Variants in STK39 observed in about 807,000 individuals in gnomAD.
STK39 encodes serine/threonine kinase 39.
STK39 carries 20 observed loss-of-function variants against 77.8 expected under a neutral mutation model. That is an observed-to-expected ratio of 0.26 (90% CI 0.18 to 0.37). The LOEUF (loss-of-function observed/expected upper bound fraction) is 0.37. Ranked by LOEUF, STK39 falls within the 10% of genes least tolerant of loss-of-function variation. The pLI, the probability that STK39 is intolerant of heterozygous loss-of-function variation, is 1.00. For synonymous variants in STK39, 246 were observed against 234.1 expected (o/e 1.05, Z -0.47); for missense variants, 479 against 656.5 (o/e 0.73, Z 2.95).
rs1286074971 is a variant in STK39, at chr2:168,163,877, G to C, written c.434C>G (p.Ser145Ter). The C allele has an allele frequency of 6.2e-7, 1 of 1,613,048 alleles. No homozygotes were observed. The highest frequency in any genetic ancestry group is 8.5e-7 in the Non-Finnish European group (1 of 1,179,634). Residue 145 changes from serine to a stop codon, truncating the protein, a stop_gained, in exon 4 of 18, where the codon TCA (serine) becomes TGA (stop). Coordinates refer to ENST00000355999, the MANE Select transcript of STK39 (RefSeq NM_013233.3). LOFTEE classifies it high-confidence loss of function. ...WLVMKLLSGG[S>*]MLDIIKYIVN... ...AATGTATTTTATGATATCCAACATT[G>C]AACCTAAGTAGACAAACAGAAGAAT...
rs532814497 is a variant in STK39, at chr2:168,078,446, G to A, written c.1090-3215C>T. On this transcript the variant is annotated intron_variant, in intron 10 of 17. Transcript: ENST00000355999. ...CAATGTGGACAACAGTCCCTAGAGC[G>A]GTCTGACCTGTCACTCCAGTGCTGC... Among the ~76,000 whole-genome samples the A allele has an allele frequency of 5.3e-5, 8 of 152,172 alleles. No homozygotes were observed. In the South Asian group the frequency reaches 1.0e-3, roughly 20 times the overall value.
intron 1 of STK39, among the ~76,000 whole-genome samples, chr2:168,189,311 A>C (rs1432303174): frequency 6.6e-6 from 1 of 152,098 alleles, no homozygotes; most frequent in Non-Finnish European, 1.5e-5. Context: ...AAAAATAAAA[A>C]GTAGTCCTCG....
intron 10 of STK39, among the ~76,000 whole-genome samples, chr2:168,075,604 G>A (rs957907724): frequency 7.9e-5 from 12 of 151,616 alleles, no homozygotes; most frequent in East Asian, 5.8e-4. Context: ...CTAAGGAAGC[G>A]CATGCAAGCA....
chr2:168,017,377 ATTTTTTTTTT>A (rs386391743), intron 14 of STK39, among the ~76,000 whole-genome samples: 1 of 93,592 alleles, frequency 1.1e-5, no homozygotes, highest in Non-Finnish European at 2.0e-5. Context: ...GGAAACCTTA[ATTTTTTTTTT>A]TTTTTTTTTT....
intron 1 of STK39, among the ~76,000 whole-genome samples, chr2:168,184,152 G>A (rs1051590511): frequency 3.3e-5 from 5 of 152,138 alleles, no homozygotes; most frequent in Middle Eastern, 3.2e-3. Context: ...CAAAACAAGC[G>A]TATGTAATAC....
chr2:168,135,644 A>G (rs1331028536), intron 8 of STK39, among the ~76,000 whole-genome samples: 1 of 152,234 alleles, frequency 6.6e-6, no homozygotes, highest in African/African-American at 2.4e-5. Context: ...TTAGTCATGA[A>G]TTCATATGTT....
At chr2:168,005,237 A>C (rs780170315) in intron 16 of STK39, among the ~76,000 whole-genome samples, 1 of 151,894 alleles carries the variant, frequency 6.6e-6, no homozygotes, top group Non-Finnish European at 1.5e-5. Context: ...AACTCCTGAC[A>C]TCAAGTGATC....
chr2:167,969,156 A>G (rs1234926351), intron 16 of STK39, among the ~76,000 whole-genome samples: 1 of 152,222 alleles, frequency 6.6e-6, no homozygotes, highest in Non-Finnish European at 1.5e-5. Context: ...TCACACACAT[A>G]AAGTGCTTAG....
chr2:168,009,085 AT>A (rs1684204356), intron 16 of STK39, among the ~76,000 whole-genome samples: 2 of 152,194 alleles, frequency 1.3e-5, no homozygotes, highest in Admixed American at 6.5e-5. Flanking sequence ...ACTGAGGTGG[AT>A]TTAAGAGACA....
intron 10 of STK39, among the ~76,000 whole-genome samples, chr2:168,108,703 A>T (rs978418099): frequency 3.3e-5 from 5 of 152,094 alleles, no homozygotes; most frequent in African/African-American, 1.2e-4. Flanking sequence ...TCTGTACTAA[A>T]CTCACTAACC....
At chr2:168,085,672 C>T (rs925360450) in intron 10 of STK39, among the ~76,000 whole-genome samples, 1 of 152,134 alleles carries the variant, frequency 6.6e-6, no homozygotes, top group Admixed American at 6.5e-5. Context: ...TTGTTGTGGC[C>T]AGAGCGTAGA....
intron 10 of STK39, among the ~76,000 whole-genome samples, chr2:168,108,607 T>C (rs1001078505): frequency 6.6e-6 from 1 of 151,980 alleles, no homozygotes; most frequent in African/African-American, 2.4e-5. Flanking sequence ...CTTTTGCTAA[T>C]GTTCCAGAAT....
At chr2:168,105,255 T>G (rs1686939668) in intron 10 of STK39, among the ~76,000 whole-genome samples, 1 of 152,192 alleles carries the variant, frequency 6.6e-6, no homozygotes, top group Non-Finnish European at 1.5e-5. Context: ...ATACTCAGTC[T>G]GATGAACTTC....
In STK39 at chr2:168,192,087, A is replaced by G. The variant is rs886291078; in HGVS notation, c.209-9997T>C. 5.4e-4 allele frequency among the ~76,000 whole-genome samples: 82 copies of G among 152,268 alleles called. 1 individual carries two copies. Among genetic ancestry groups the G allele is most frequent in the African/African-American group, 1.7e-3 (72 of 41,548 alleles). ...AGAAGGAAACTGGAAATGGAAACCA[A>G]TTACTGCTGGCAGAGGGAAAGACCC... On this transcript the variant is annotated intron_variant, in intron 1 of 17. Coordinates refer to ENST00000355999, the MANE Select transcript of STK39 (RefSeq NM_013233.3).
At position 168,138,135 on chromosome 2, in the gene STK39, G is replaced by A; in HGVS notation, c.927C>T (p.Ser309=). 1.2e-6 allele frequency: 2 copies of A among 1,613,958 alleles called. No homozygotes were observed. Among genetic ancestry groups the A allele is most frequent in the East Asian group, 2.2e-5 (1 of 44,836 alleles). ...GACACAGTGAAAGTAATTTTCTAAA[G>A]GACTTGCCGTACTTTTTCATCATTT... The part of the protein sequence containing the change: ...DKEMMKKYGK[S]FRKLLSLCLQ... Residue 309 remains serine (S), a synonymous_variant, in exon 8 of 18, where the codon TCC becomes TCT. Transcript: ENST00000355999.
intron 1 of STK39, 88 bp from the exon 2 acceptor site, chr2:168,182,178 T>C (rs1157556584): frequency 2.0e-6 from 2 of 1,004,478 alleles, no homozygotes; most frequent in Admixed American, 1.9e-5. Flanking sequence ...TCAATTTTTT[T>C]AAACTCTTCT....
At chr2:168,018,580 AAGAAAGAAAGAAAG>A (rs1390880893) in intron 14 of STK39, among the ~76,000 whole-genome samples, 16 of 150,796 alleles carry the variant, frequency 1.1e-4, no homozygotes, top group Non-Finnish European at 7.4e-5. Flanking sequence ...GAAAGAAAGA[AAGAAAGAAAGAAAG>A]AAAGAAATTG....
intron 1 of STK39, among the ~76,000 whole-genome samples, chr2:168,201,766 C>T (rs528776111): frequency 3.5e-4 from 53 of 152,224 alleles, no homozygotes; most frequent in African/African-American, 1.2e-3. Flanking sequence ...TCTAATCTGC[C>T]CTTCCTCACC....
At chr2:168,016,663 C>T (rs187381838) in intron 15 of STK39, among the ~76,000 whole-genome samples, 1 of 152,320 alleles carries the variant, frequency 6.6e-6, no homozygotes, top group East Asian at 1.9e-4. Flanking sequence ...ATCACAGAAG[C>T]AAAGTATGTT....
Sources: allele counts gnomAD v4.1 joint callset (sites outside exome capture counted in the v4.1 genomes callset), GRCh38; gene constraint gnomAD v4.1.1; transcripts MANE v1.5; gene names NCBI Gene and HGNC (gene_info 2026-07-23, HGNC 2026-07-21).